NOS1AP: variants seen among roughly 807,000 people sequenced by gnomAD.
The protein encoded by NOS1AP is carboxyl-terminal PDZ ligand of neuronal nitric oxide synthase protein.
Under a neutral mutation model 56.2 loss-of-function variants are expected in NOS1AP, and 21 were observed. That is an observed-to-expected ratio of 0.37 (90% confidence interval 0.26 to 0.54). The LOEUF (loss-of-function observed/expected upper bound fraction) is 0.54. Among genes scored for constraint, NOS1AP ranks in the 20% least tolerant of loss-of-function variants. The pLI is 0.84. For synonymous variants in NOS1AP, 270 were observed against 274.6 expected (o/e 0.98, Z 0.17); for missense variants, 522 against 657.8 (o/e 0.79, Z 2.26).
At chr1:162,125,320 G>A (rs927946573) in intron 1 of NOS1AP, among the ~76,000 whole-genome samples, 1 of 151,820 alleles carries the variant, frequency 6.6e-6, no homozygotes, top group African/African-American at 2.4e-5. Context: ...TTTTAGTAGA[G>A]ATGGGGTTTC....
chr1:162,280,018 A>G (rs1023489349), intron 2 of NOS1AP, among the ~76,000 whole-genome samples: 1 of 152,204 alleles, frequency 6.6e-6, no homozygotes, highest in East Asian at 1.9e-4. Flanking sequence ...TAAATTTTTT[A>G]ATGAACTATT....
At chr1:162,240,264 TGTGTGTGTGTGTGTGTGTGTTG>T (rs1366564868) in intron 2 of NOS1AP, among the ~76,000 whole-genome samples, 1 of 151,674 alleles carries the variant, frequency 6.6e-6, no homozygotes, top group East Asian at 1.9e-4. Flanking sequence ...TGTGTGTGTG[TGTGTGTGTGTGTGTGTGTGTTG>T]AGGCATGCCT....
intron 2 of NOS1AP, among the ~76,000 whole-genome samples, chr1:162,163,960 G>A (rs1026471954): frequency 6.6e-6 from 1 of 152,194 alleles, no homozygotes; most frequent in African/African-American, 2.4e-5. Context: ...TTAAACTGGG[G>A]CAGAACTGCT....
At chr1:162,178,858 T>C (rs1010860955) in intron 2 of NOS1AP, among the ~76,000 whole-genome samples, 1 of 152,252 alleles carries the variant, frequency 6.6e-6, no homozygotes, top group East Asian at 1.9e-4. Flanking sequence ...TAAACTGTTT[T>C]CATTCCGAGC....
chr1:162,171,820 T>C (rs1650796549), intron 2 of NOS1AP, among the ~76,000 whole-genome samples: 1 of 152,114 alleles, frequency 6.6e-6, no homozygotes, highest in African/African-American at 2.4e-5. Flanking sequence ...CTCATGGCCA[T>C]AGAACAACCA....
At chr1:162,302,094 T>C (rs1328533003) in intron 4 of NOS1AP, among the ~76,000 whole-genome samples, 1 of 152,270 alleles carries the variant, frequency 6.6e-6, no homozygotes, top group African/African-American at 2.4e-5. Flanking sequence ...AATGAATTTC[T>C]GCCTCTGTGT....
intron 2 of NOS1AP, among the ~76,000 whole-genome samples, chr1:162,260,343 C>G (rs992654387): frequency 4.6e-5 from 7 of 152,084 alleles, no homozygotes; most frequent in African/African-American, 1.7e-4. Context: ...AACTTGAAAC[C>G]TATGAAACCA....
At chr1:162,329,903 T>C (rs1301659327) in intron 4 of NOS1AP, among the ~76,000 whole-genome samples, 1 of 152,212 alleles carries the variant, frequency 6.6e-6, no homozygotes, top group African/African-American at 2.4e-5. Context: ...GTTTCTGAAA[T>C]CAGATATAGC....
intron 2 of NOS1AP, among the ~76,000 whole-genome samples, chr1:162,207,399 A>C (rs1571127319): frequency 6.6e-6 from 1 of 152,228 alleles, no homozygotes; most frequent in African/African-American, 2.4e-5. Context: ...GCTGGAACCC[A>C]AGGAACAGCA....
At chr1:162,255,142 T>A (rs1653983076) in intron 2 of NOS1AP, among the ~76,000 whole-genome samples, 1 of 151,970 alleles carries the variant, frequency 6.6e-6, no homozygotes, top group African/African-American at 2.4e-5. Flanking sequence ...GGAGAGTTAA[T>A]TAGCATCTGT....
At chr1:162,144,616 C>T (rs1649377906) in intron 1 of NOS1AP, among the ~76,000 whole-genome samples, 1 of 152,010 alleles carries the variant, frequency 6.6e-6, no homozygotes, top group Admixed American at 6.6e-5. Flanking sequence ...AACCTGCTGG[C>T]CAAGTCAGCA....
At chr1:162,180,314 T>C (rs149793479) in intron 2 of NOS1AP, among the ~76,000 whole-genome samples, 5,345 of 152,170 alleles carry the variant, frequency 0.035, 136 homozygotes, top group Non-Finnish European at 0.049. Context: ...GCGCTATCTC[T>C]GCTGACTGCA....
intron 2 of NOS1AP, among the ~76,000 whole-genome samples, chr1:162,155,795 G>A (rs1649949929): frequency 6.6e-6 from 1 of 152,182 alleles, no homozygotes. Flanking sequence ...AGGTAGGTTT[G>A]GGATTGGTGA....
intron 1 of NOS1AP, among the ~76,000 whole-genome samples, chr1:162,138,704 A>T (rs751745375): frequency 1.1e-4 from 16 of 152,162 alleles, no homozygotes; most frequent in Non-Finnish European, 2.1e-4. Context: ...TTAGGAGCCA[A>T]GGCATTGAGA....
At position 162,143,124 on chromosome 1, in the gene NOS1AP, G is replaced by GAGC. The variant is rs1649306782; in HGVS notation, c.106-11278_106-11276dup. ...CTGAGCCCATCCCATGAGGTTCTGT[G>GAGC]AGCAGTGTCATAGTTAGCCATTCCC... On this transcript the variant is annotated intron_variant, in intron 1 of 9. Transcript: ENST00000361897. Among the ~76,000 whole-genome samples the GAGC allele has an allele frequency of 3.3e-5, 5 of 152,066 alleles. No individual in the cohort carries two copies. The South Asian group carries it at 1.0e-3, about 32-fold the overall frequency.
intron 2 of NOS1AP, among the ~76,000 whole-genome samples, chr1:162,156,181 C>G (rs921526037): frequency 4.6e-5 from 7 of 152,140 alleles, no homozygotes; most frequent in African/African-American, 1.7e-4. Flanking sequence ...TTAAATACAA[C>G]AGTACTGTTT....
At chr1:162,333,744 G>T (rs1448763367) in intron 5 of NOS1AP, among the ~76,000 whole-genome samples, 1 of 152,136 alleles carries the variant, frequency 6.6e-6, no homozygotes, top group African/African-American at 2.4e-5. Flanking sequence ...AAAATGAAAA[G>T]AATCGTCAAA....
intron 1 of NOS1AP, among the ~76,000 whole-genome samples, chr1:162,152,485 C>G (rs1453348898): frequency 6.6e-6 from 1 of 152,234 alleles, no homozygotes; most frequent in African/African-American, 2.4e-5. Flanking sequence ...ATCCCTAGCT[C>G]TGGGTCGCTG....
intron 3 of NOS1AP, among the ~76,000 whole-genome samples, chr1:162,296,964 T>G (rs1655485363): frequency 6.6e-6 from 1 of 152,136 alleles, no homozygotes; most frequent in Admixed American, 6.5e-5. Flanking sequence ...AGAGAGGAAT[T>G]GATTGGGTAG....
Sources: allele counts gnomAD v4.1 joint callset (sites outside exome capture counted in the v4.1 genomes callset), GRCh38; gene constraint gnomAD v4.1.1; transcripts MANE v1.5; gene names NCBI Gene and HGNC (gene_info 2026-07-23, HGNC 2026-07-21).